MSRA: variants seen among roughly 807,000 people sequenced by gnomAD.
The protein encoded by MSRA is mitochondrial peptide methionine sulfoxide reductase.
A neutral mutation model predicts 31.3 loss-of-function variants in MSRA; 54 were observed. That is an observed-to-expected ratio of 1.73 (90% CI 1.39 to 2.17). The LOEUF is 2.17. MSRA is among the 30% of genes most tolerant of loss of function. The pLI, the probability that MSRA is intolerant of heterozygous loss-of-function variation, is 0.00. For missense variants in MSRA, 507 were observed against 300.9 expected (o/e 1.69, Z -5.07); for synonymous variants, 169 against 116.5 (o/e 1.45, Z -2.90).
At chr8:10,272,831 C>T (rs1175707937) in intron 3 of MSRA, among the ~76,000 whole-genome samples, 1 of 152,052 alleles carries the variant, frequency 6.6e-6, no homozygotes, top group Non-Finnish European at 1.5e-5. Context: ...TAGCCTAGGA[C>T]CTGGCATAAA....
chr8:10,352,552 G>T (rs1804218841), intron 5 of MSRA, among the ~76,000 whole-genome samples: 1 of 152,068 alleles, frequency 6.6e-6, no homozygotes, highest in African/African-American at 2.4e-5. Context: ...GTGTGGAGAA[G>T]ATTGCAGCTG....
chr8:10,260,848 A>G (rs1798442721), intron 3 of MSRA, among the ~76,000 whole-genome samples: 1 of 152,184 alleles, frequency 6.6e-6, no homozygotes, highest in African/African-American at 2.4e-5. Context: ...GAATGTTGTA[A>G]TCGTATGACT....
At chr8:10,130,065 G>A (rs767219022) in intron 1 of MSRA, among the ~76,000 whole-genome samples, 11 of 152,194 alleles carry the variant, frequency 7.2e-5, no homozygotes, top group Non-Finnish European at 1.6e-4. Flanking sequence ...TGGGTGGGAT[G>A]TTGAAGGGGC....
intron 2 of MSRA, among the ~76,000 whole-genome samples, chr8:10,233,349 T>G (rs747564219): frequency 2.6e-5 from 4 of 152,200 alleles, no homozygotes; most frequent in Non-Finnish European, 5.9e-5. Flanking sequence ...AGAATATGAA[T>G]AATGCAAAGA....
intron 1 of MSRA, among the ~76,000 whole-genome samples, chr8:10,087,409 C>T (rs560639731): frequency 1.3e-5 from 2 of 152,316 alleles, no homozygotes; most frequent in East Asian, 1.9e-4. Context: ...TCCCTTGGCT[C>T]ATGCCTGGCA....
At chr8:10,205,916 A>G (rs569434861) in intron 1 of MSRA, among the ~76,000 whole-genome samples, 38 of 152,312 alleles carry the variant, frequency 2.5e-4, no homozygotes, top group African/African-American at 8.9e-4. Context: ...GTAATATTCC[A>G]TTCATTTGAT....
chr8:10,216,289 A>G (rs1185367101), intron 2 of MSRA, among the ~76,000 whole-genome samples: 1 of 152,258 alleles, frequency 6.6e-6, no homozygotes, highest in African/African-American at 2.4e-5. Flanking sequence ...TACACAAAGA[A>G]TGCATGTCAT....
chr8:10,103,076 A>T (rs922150936), intron 1 of MSRA, among the ~76,000 whole-genome samples: 3 of 152,230 alleles, frequency 2.0e-5, no homozygotes, highest in African/African-American at 7.2e-5. Flanking sequence ...AAAGAATATA[A>T]GAGATGACAT....
chr8:10,244,136 T>A (rs915817339), intron 2 of MSRA, among the ~76,000 whole-genome samples: 1 of 152,216 alleles, frequency 6.6e-6, no homozygotes, highest in African/African-American at 2.4e-5. Context: ...GTATATTAAT[T>A]TGCCAACTGT....
intron 5 of MSRA, among the ~76,000 whole-genome samples, chr8:10,371,318 T>G (rs1207983470): frequency 6.6e-6 from 1 of 152,124 alleles, no homozygotes; most frequent in Non-Finnish European, 1.5e-5. Context: ...AGTTGCTTCC[T>G]GAGCGCGCTC....
In MSRA at chr8:10,362,847, T is replaced by G. The variant is rs191202662; in HGVS notation, c.543+42858T>G. ...CGCGCCACCGGGAGCTGCCCCTGACTTCCTCCTTCCCTCCTGGCCCCAGCT... is the reference window on the plus strand; with the variant it reads ...CGCGCCACCGGGAGCTGCCCCTGACGTCCTCCTTCCCTCCTGGCCCCAGCT... On this transcript the variant is annotated intron_variant, in intron 5 of 5. Coordinates refer to ENST00000317173, the MANE Select transcript of MSRA (RefSeq NM_012331.5). 1.5e-3 allele frequency among the ~76,000 whole-genome samples: 223 copies of G among 152,046 alleles called. 1 individual carries two copies. The highest frequency in any genetic ancestry group is 4.9e-3 in the African/African-American group (202 of 41,464).
intron 1 of MSRA, among the ~76,000 whole-genome samples, chr8:10,058,351 G>A (rs201764466): frequency 1.3e-5 from 2 of 152,116 alleles, no homozygotes; most frequent in Non-Finnish European, 2.9e-5. Flanking sequence ...GAGAAGAGGA[G>A]ATCATAAAAA....
intron 1 of MSRA, among the ~76,000 whole-genome samples, chr8:10,189,857 C>T (rs1807361444): frequency 6.6e-6 from 1 of 151,992 alleles, no homozygotes; most frequent in Admixed American, 6.6e-5. Context: ...GGAAAGGTTC[C>T]CCCTTCCTCT....
chr8:10,262,496 T>C (rs529714821), intron 3 of MSRA, among the ~76,000 whole-genome samples: 547 of 152,368 alleles, frequency 3.6e-3, no homozygotes, highest in African/African-American at 0.011. Flanking sequence ...TGTTTTCTTA[T>C]GCTTATTTGC....
chr8:10,238,844 G>T (rs956705209), intron 2 of MSRA, among the ~76,000 whole-genome samples: 2 of 152,026 alleles, frequency 1.3e-5, no homozygotes, highest in Non-Finnish European at 2.9e-5. Flanking sequence ...TTTATATATG[G>T]ATGGACTTCT....
intron 4 of MSRA, among the ~76,000 whole-genome samples, chr8:10,319,196 C>A (rs1801900331): frequency 6.6e-6 from 1 of 152,170 alleles, no homozygotes; most frequent in African/African-American, 2.4e-5. Flanking sequence ...CTACTGGGTC[C>A]AATTCCTGAA....
At chr8:10,228,933 G>A (rs1563244591) in intron 2 of MSRA, among the ~76,000 whole-genome samples, 1 of 152,026 alleles carries the variant, frequency 6.6e-6, no homozygotes, top group African/African-American at 2.4e-5. Flanking sequence ...GTTACTTGCT[G>A]TTTGTAGGGA....
In MSRA at chr8:10,183,808, G is replaced by GTGGTGCTGC. The variant is rs1352236728; in HGVS notation, c.143-24023_143-24022insGTGCTGCTG. Among the ~76,000 whole-genome samples the GTGGTGCTGC allele has an allele frequency of 1.4e-3, 145 of 100,216 alleles. 1 individual carries two copies. The highest frequency in any genetic ancestry group is 4.8e-3 in the African/African-American group (141 of 29,408). The allele number at this position is 100,216 out of a possible 152,430, so 65.7% of individuals were successfully genotyped here. On this transcript the variant is annotated intron_variant, in intron 1 of 5. Coordinates refer to ENST00000317173, the MANE Select transcript of MSRA (RefSeq NM_012331.5). ...GGTGGTGGTGGTGGTGGTGGTGGTGGTGCTGCTGCTGCTGCTGCTGCTGGT... is the reference window on the plus strand; with the variant it reads ...GGTGGTGGTGGTGGTGGTGGTGGTGGTGGTGCTGCTGCTGCTGCTGCTGCTGCTGCTGGT...
chr8:10,110,930 A>G (rs1800232245), intron 1 of MSRA, among the ~76,000 whole-genome samples: 1 of 152,182 alleles, frequency 6.6e-6, no homozygotes, highest in Non-Finnish European at 1.5e-5. Flanking sequence ...TCTCCTAACC[A>G]TCTCCAGTCT....
Sources: allele counts gnomAD v4.1 joint callset (sites outside exome capture counted in the v4.1 genomes callset), GRCh38; gene constraint gnomAD v4.1.1; transcripts MANE v1.5; gene names NCBI Gene and HGNC (gene_info 2026-07-23, HGNC 2026-07-21).